The following SNX25 variants were observed in gnomAD, a reference collection of about 807,000 sequenced individuals.
The protein encoded by SNX25 is sorting nexin-25.
SNX25 carries 62 observed loss-of-function variants against 113.7 expected under a neutral mutation model. The observed-to-expected ratio is 0.55, with a 90% CI of 0.44 to 0.67. SNX25 has a LOEUF of 0.67. Ranked by LOEUF, SNX25 falls within the 30% of genes least tolerant of loss-of-function variation. The pLI is 0.00. For missense variants in SNX25, 1,014 were observed against 1,161.0 expected, an observed-to-expected ratio of 0.87 and a Z score of 1.84; for synonymous variants, 421 against 436.2, an observed-to-expected ratio of 0.97 and a Z score of 0.43.
At chr4:185,322,930 A>G (rs1239163814) in intron 8 of SNX25, among the ~76,000 whole-genome samples, 3 of 152,216 alleles carry the variant, frequency 2.0e-5, no homozygotes, top group South Asian at 4.1e-4. Flanking sequence ...TCTAGAGTTA[A>G]TGTAATGCCT....
At chr4:185,220,160 A>C (rs1161868935) in intron 1 of SNX25, among the ~76,000 whole-genome samples, 1 of 152,068 alleles carries the variant, frequency 6.6e-6, no homozygotes, top group African/African-American at 2.4e-5. Context: ...CCTCAGACTT[A>C]TTTATTCAAC....
intron 12 of SNX25, 131 bp downstream of exon 12, chr4:185,342,247 A>T: frequency 9.2e-7 from 1 of 1,083,106 alleles, no homozygotes; most frequent in Non-Finnish European, 1.2e-6. Flanking sequence ...TCATCCTGAC[A>T]TTTGGAAATT....
intron 1 of SNX25, among the ~76,000 whole-genome samples, chr4:185,220,860 T>TTTTA (rs1330563998): frequency 2.0e-5 from 3 of 152,018 alleles, no homozygotes; most frequent in Non-Finnish European, 2.9e-5. Context: ...CTTTTGTTAA[T>TTTTA]TTTATTTATT....
At chr4:185,326,087 G>T (rs2095155375) in intron 9 of SNX25, among the ~76,000 whole-genome samples, 1 of 152,176 alleles carries the variant, frequency 6.6e-6, no homozygotes, top group Admixed American at 6.5e-5. Flanking sequence ...GAGAAAGTCA[G>T]GTAGAGAGAA....
At position 185,247,326 on chromosome 4, in the gene SNX25, T is replaced by A. The variant is rs1173186458; in HGVS notation, c.462T>A (p.Ala154=). ...TGTATGGAAACTCACATGAGTCAGC[T>A]CAGTCTAGAAGGGTAGTAATTTCTC... ...SPVYGNSHES[A]QSRRVVISHN... is the part of the protein sequence containing the mutation. Residue 154 remains alanine, a synonymous_variant, in exon 2 of 19, where the codon GCT becomes GCA. Transcript: ENST00000652585. 3.1e-6 allele frequency: 5 copies of A among 1,609,896 alleles called. No individual in the cohort carries two copies. In the Admixed American group the frequency reaches 8.5e-5, roughly 27 times the overall value.
intron 1 of SNX25, among the ~76,000 whole-genome samples, chr4:185,240,396 C>G (rs1743593262): frequency 6.7e-6 from 1 of 148,716 alleles, no homozygotes; most frequent in African/African-American, 2.5e-5. Flanking sequence ...GGGCGGGGGG[C>G]TGACCCCCCC....
intron 1 of SNX25, among the ~76,000 whole-genome samples, chr4:185,240,691 CG>C (rs925540999): frequency 1.3e-5 from 2 of 150,842 alleles, no homozygotes; most frequent in Non-Finnish European, 3.0e-5. Flanking sequence ...GGCTGCCGGG[CG>C]GGGGGCTGAC....
chr4:185,339,428 C>T lies in SNX25; in HGVS notation c.1964C>T (p.Thr655Ile). The T allele has an allele frequency of 2.5e-6, 4 of 1,614,066 alleles. No homozygotes were observed. Among genetic ancestry groups the T allele is most frequent in the Non-Finnish European group, 3.4e-6 (4 of 1,179,984 alleles). Residue 655 changes from threonine (T) to isoleucine (I), a missense_variant, in exon 11 of 19, where the codon ACA (threonine) becomes ATA (isoleucine). Thr to Ile is a moderately conservative substitution (Grantham distance 89). Transcript: ENST00000652585. ...ATAATCCTAATAGAGAAAGAACGCA[C>T]AGACCTTCAGCTGCACATGGCAAGA... Reference protein sequence around the residue: ...DEIILIEKERTDLQLHMARTD... With the variant: ...DEIILIEKERIDLQLHMARTD...
intron 1 of SNX25, among the ~76,000 whole-genome samples, chr4:185,223,760 T>A (rs955734009): frequency 6.6e-6 from 1 of 151,348 alleles, no homozygotes; most frequent in African/African-American, 2.4e-5. Context: ...AAAAAAGTCA[T>A]GTTGTACCTG....
In SNX25 at chr4:185,310,777, T is replaced by TGGG. The variant is rs1257605877; in HGVS notation, c.1307_1309dup (p.Gly436dup). 1.2e-6 allele frequency: 2 copies of TGGG among 1,613,358 alleles called. No individual in the cohort carries two copies. On this transcript the variant is annotated inframe_insertion, in exon 7 of 19. Coordinates refer to ENST00000652585, the MANE Select transcript of SNX25 (RefSeq NM_001378034.2). ...GCCCTGCCTATGACCAGCAAGAGGA[T>TGGG]GGGGCCCTGGATGAGGGGGAAGGGC...
At chr4:185,224,592 TATAA>T (rs1400802823) in intron 1 of SNX25, among the ~76,000 whole-genome samples, 1 of 144,790 alleles carries the variant, frequency 6.9e-6, no homozygotes, top group Non-Finnish European at 1.5e-5. Flanking sequence ...TATATAAATA[TATAA>T]ATATGTAAAT....
In SNX25 at chr4:185,310,692, A is replaced by C. The variant is rs1374834991; in HGVS notation, c.1220A>C (p.Tyr407Ser). 1 of 1,614,148 alleles carries C rather than the reference A, an allele frequency of 6.2e-7. No individual in the cohort carries two copies. The highest frequency in any genetic ancestry group is 8.5e-7 in the Non-Finnish European group (1 of 1,180,014). The change falls in exon 7 of 19, where the codon TAC (tyrosine) becomes TCC (serine). Residue 407 changes from tyrosine (Y) to serine (S), a missense_variant. Physicochemically the swap from Tyr to Ser is moderately radical, Grantham distance 144. Transcript: ENST00000652585. ...CTGAGGGCCAGGAACATGAAGAGGT[A>C]CATCAACCAACTGACTGTGGCAAAG... Reference protein sequence around the residue: ...DLLRARNMKRYINQLTVAKKQ... With the variant: ...DLLRARNMKRSINQLTVAKKQ...
chr4:185,315,758 T>C (rs1341252934), intron 7 of SNX25, among the ~76,000 whole-genome samples: 1 of 152,204 alleles, frequency 6.6e-6, no homozygotes, highest in Non-Finnish European at 1.5e-5. Context: ...GTGTCTCTCA[T>C]GACCCTGGAC....
Position 185,264,432 on chromosome 4 carries a change from A to G in SNX25, c.732-6A>G, listed in dbSNP as rs1747767488. 1.2e-6 allele frequency: 2 copies of G among 1,611,056 alleles called. No individual in the cohort carries two copies. The highest frequency in any genetic ancestry group is 1.1e-5 in the South Asian group (1 of 90,842). Reference sequence around the variant, plus strand: ...TCTTTCCTTCTTTTTCACTCTCTTTATTTAGACATGAAGAACAGCCAAGAC... The same window carrying G: ...TCTTTCCTTCTTTTTCACTCTCTTTGTTTAGACATGAAGAACAGCCAAGAC... On this transcript the variant is annotated splice_polypyrimidine_tract_variant and splice_region_variant and intron_variant, in intron 3 of 18. Coordinates refer to ENST00000652585, the MANE Select transcript of SNX25 (RefSeq NM_001378034.2).
intron 5 of SNX25, among the ~76,000 whole-genome samples, chr4:185,283,765 A>C (rs1308946703): frequency 6.6e-6 from 1 of 152,232 alleles, no homozygotes; most frequent in Non-Finnish European, 1.5e-5. Context: ...TAATGTGGAC[A>C]TAATTCTGGC....
intron 5 of SNX25, among the ~76,000 whole-genome samples, chr4:185,282,348 T>C (rs1213393293): frequency 6.6e-6 from 1 of 152,072 alleles, no homozygotes; most frequent in Non-Finnish European, 1.5e-5. Flanking sequence ...TTAGTATTTT[T>C]AGTAAAGACA....
chr4:185,317,813 A>G (rs575586174), intron 7 of SNX25, among the ~76,000 whole-genome samples: 4 of 152,272 alleles, frequency 2.6e-5, no homozygotes, highest in Non-Finnish European at 5.9e-5. Flanking sequence ...GAGGGAGAGC[A>G]TTAGAACAAA....
At chr4:185,300,688 T>C (rs1257234053) in intron 6 of SNX25, among the ~76,000 whole-genome samples, 1 of 150,660 alleles carries the variant, frequency 6.6e-6, no homozygotes, top group Non-Finnish European at 1.5e-5. Flanking sequence ...TGTCCTGCTA[T>C]GGTTTGAATA....
At chr4:185,272,013 A>G (rs1298364331) in intron 5 of SNX25, among the ~76,000 whole-genome samples, 2 of 152,186 alleles carry the variant, frequency 1.3e-5, no homozygotes, top group African/African-American at 2.4e-5. Context: ...TGTATATTCC[A>G]CTAGCTTTTG....
Sources: gnomAD v4.1 joint callset for allele counts (sites outside exome capture counted in the v4.1 genomes callset) on GRCh38, gnomAD v4.1.1 for gene constraint, MANE v1.5 for transcripts, NCBI Gene and HGNC (gene_info 2026-07-23, HGNC 2026-07-21) for gene names.